EML6: variants seen among roughly 807,000 people sequenced by gnomAD.
EML6 encodes the protein EMAP like 6, also known as echinoderm microtubule-associated protein-like 6.
Under a neutral mutation model 240.1 loss-of-function variants are expected in EML6, and 154 were observed. The observed-to-expected ratio is 0.64, with a 90% CI of 0.56 to 0.73. The LOEUF is 0.73. EML6 is among the 30% of genes least tolerant of loss of function. EML6 has a pLI of 0.00. For missense variants in EML6, 2,964 were observed against 2,474.6 expected, an observed-to-expected ratio of 1.20 and a Z score of -4.20; for synonymous variants, 1,148 against 899.0, an observed-to-expected ratio of 1.28 and a Z score of -4.95.
At chr2:54,794,968 A>G (rs1669677653) in intron 2 of EML6, among the ~76,000 whole-genome samples, 1 of 152,190 alleles carries the variant, frequency 6.6e-6, no homozygotes, top group Non-Finnish European at 1.5e-5. Context: ...TGACCACACT[A>G]GGTCCCACCG....
intron 2 of EML6, among the ~76,000 whole-genome samples, chr2:54,799,535 A>G (rs867993095): frequency 4.9e-4 from 75 of 151,950 alleles, no homozygotes; most frequent in Middle Eastern, 6.9e-3. Context: ...TAGTAGAGAC[A>G]GGTTTCACCA....
chr2:54,959,363 C>T (rs1167571817), intron 34 of EML6, 102 bp downstream of exon 34: 2 of 1,175,824 alleles, frequency 1.7e-6, no homozygotes, highest in East Asian at 2.6e-5. Context: ...CTGTCATCCT[C>T]CTATCTTTTT....
At position 54,844,027 on chromosome 2, in the gene EML6, G is replaced by GT. The variant is rs1558602957; in HGVS notation, c.848-16dup. 1 of 1,397,814 alleles carries GT rather than the reference G, an allele frequency of 7.2e-7. No individual in the cohort carries two copies. Among genetic ancestry groups the GT allele is most frequent in the East Asian group, 2.8e-5 (1 of 35,178 alleles). 86.6% of individuals were successfully genotyped at this position (1,397,814 alleles called of 1,614,324 possible). On this transcript the variant is annotated intron_variant, in intron 7 of 41. Transcript: ENST00000356458. ...GTGAATAGTGTGAAGATTTGCTTTT[G>GT]TTTTACTTATTTTTGTCAGGCCTCT...
At chr2:54,866,293 A>G (rs1396938425) in intron 13 of EML6, among the ~76,000 whole-genome samples, 1 of 152,190 alleles carries the variant, frequency 6.6e-6, no homozygotes, top group Non-Finnish European at 1.5e-5. Flanking sequence ...TTAGGTCCCA[A>G]GTTAGACCAA....
chr2:54,771,380 G>A (rs777823787), intron 2 of EML6, among the ~76,000 whole-genome samples: 2 of 152,138 alleles, frequency 1.3e-5, no homozygotes, highest in Non-Finnish European at 2.9e-5. Context: ...ATACAAGAGC[G>A]GATACATTAT....
At position 54,950,725 on chromosome 2, in the gene EML6, G is replaced by A. The variant is rs559685189; in HGVS notation, c.4159G>A (p.Ala1387Thr). Residue 1387 changes from alanine (A) to threonine (T), a missense_variant, in exon 30 of 42, where the codon GCT becomes ACT. By Grantham distance (58) the Ala-to-Thr change is moderately conservative. Coordinates refer to ENST00000356458, the MANE Select transcript of EML6 (RefSeq NM_001039753.4). ...TAACCTGCATTACCTTAATGATGGC[G>A]CTGACATCATCTTCCACACAGCAGC... is the stretch of plus-strand genomic sequence containing the variant. ...RNNLHYLNDGADIIFHTAAAG... is the reference protein window; with the variant it reads ...RNNLHYLNDGTDIIFHTAAAG... 1.2e-5 allele frequency: 19 copies of A among 1,551,466 alleles called. No individual in the cohort carries two copies. The highest frequency in any genetic ancestry group is 2.0e-5 in the Admixed American group (1 of 51,000).
In EML6 at chr2:54,725,657, G is replaced by T. The variant is rs1396475033; in HGVS notation, c.197+399G>T. Among the ~76,000 whole-genome samples, 3 of 152,100 alleles carry T rather than the reference G, an allele frequency of 2.0e-5. No homozygotes were observed. The highest frequency in any genetic ancestry group is 2.9e-5 in the Non-Finnish European group (2 of 68,036). ...ATCATCTTTGGGAGGCTCCTCAGTG[G>T]GTTTCTCAGTAAGCAAGAGGATTAA... On this transcript the variant is annotated intron_variant, in intron 2 of 41. Coordinates refer to ENST00000356458, the MANE Select transcript of EML6 (RefSeq NM_001039753.4). The surrounding 1 kb of genome is among the most constrained non-coding windows in gnomAD (Gnocchi z 4.3).
At chr2:54,852,980 G>T (rs571399984) in intron 10 of EML6, among the ~76,000 whole-genome samples, 1 of 152,242 alleles carries the variant, frequency 6.6e-6, no homozygotes, top group East Asian at 1.9e-4. Flanking sequence ...CACAACGGTC[G>T]GGATTATTTT....
chr2:54,812,184 C>G (rs559728561), intron 2 of EML6, among the ~76,000 whole-genome samples: 1 of 152,144 alleles, frequency 6.6e-6, no homozygotes, highest in Admixed American at 6.5e-5. Context: ...TCTGTATTAT[C>G]TGTATTTTTA....
chr2:54,927,714 T>G (rs1674630931), intron 26 of EML6, among the ~76,000 whole-genome samples: 1 of 152,240 alleles, frequency 6.6e-6, no homozygotes, highest in Admixed American at 6.5e-5. Flanking sequence ...TAGTCGTTAC[T>G]GATAAATTGG....
rs143435031 is a variant in EML6 at position 54,951,404 on chromosome 2, G to C, written c.4213+625G>C. Among the ~76,000 whole-genome samples, 622 of 152,128 alleles carry C rather than the reference G, an allele frequency of 4.1e-3. 3 individuals carry two copies. Among genetic ancestry groups the C allele is most frequent in the African/African-American group, 0.014 (591 of 41,510 alleles). ...AAAAATTAGCCAGGCATGGTGGCAG[G>C]TGCCTGTAGTCCCAGCTACTCAGGA... On this transcript the variant is annotated intron_variant, in intron 30 of 41. Coordinates refer to ENST00000356458, the MANE Select transcript of EML6 (RefSeq NM_001039753.4).
intron 28 of EML6, among the ~76,000 whole-genome samples, chr2:54,934,716 C>G (rs1179694288): frequency 3.3e-5 from 5 of 152,030 alleles, no homozygotes; most frequent in Non-Finnish European, 7.4e-5. Flanking sequence ...CCACCATACC[C>G]AGCTTATCTT....
chr2:54,803,881 C>G (rs1308485719), intron 2 of EML6, among the ~76,000 whole-genome samples: 1 of 152,180 alleles, frequency 6.6e-6, no homozygotes, highest in African/African-American at 2.4e-5. Context: ...TCTCCACTCA[C>G]GGACCGGGCA....
intron 15 of EML6, 103 bp downstream of exon 15, chr2:54,869,470 T>C (rs2103904088): frequency 1.1e-6 from 1 of 869,572 alleles, no homozygotes; most frequent in African/African-American, 1.7e-5. Flanking sequence ...GAAATAAACA[T>C]GAGATGGGAA....
At position 54,854,166 on chromosome 2, in the gene EML6, G is replaced by A. The variant is rs567411940; in HGVS notation, c.1657+311G>A. On this transcript the variant is annotated intron_variant, in intron 11 of 41. Transcript: ENST00000356458. The stretch of plus-strand genomic sequence containing the variant: ...AATATTCATAGTTTATATATAGTCC[G>A]TTAAAATGTTGTAACTAAAATTCTT... 4.6e-5 allele frequency among the ~76,000 whole-genome samples: 7 copies of A among 152,222 alleles called. 1 individual carries two copies. The highest frequency in any genetic ancestry group is 3.9e-4 in the East Asian group (2 of 5,174).
rs1373958882 is a variant in EML6 at position 54,948,956 on chromosome 2, T to G, written c.4079T>G (p.Val1360Gly). The G allele has an allele frequency of 6.5e-7, 1 of 1,548,882 alleles. No homozygotes were observed. Among genetic ancestry groups the G allele is most frequent in the Admixed American group, 2.0e-5 (1 of 50,992 alleles). Residue 1360 changes from valine (V) to glycine (G), a missense_variant, in exon 29 of 42, where the codon GTT becomes GGT. Transcript: ENST00000356458. ...AATATCACCAAAAAAAAGAAACTGGTTGAGGTGAGTTAAACAATCACTTGT... is the reference window on the plus strand; with the variant it reads ...AATATCACCAAAAAAAAGAAACTGGGTGAGGTGAGTTAAACAATCACTTGT... Reference protein sequence around the residue: ...KNNITKKKKLVEELALDHVFG... With the variant: ...KNNITKKKKLGEELALDHVFG...
intron 26 of EML6, among the ~76,000 whole-genome samples, chr2:54,923,406 A>G (rs528273869): frequency 1.3e-3 from 107 of 81,686 alleles, no homozygotes; most frequent in Non-Finnish European, 2.7e-3. Context: ...CACACACACA[A>G]TGGTAACTAT....
intron 2 of EML6, among the ~76,000 whole-genome samples, chr2:54,792,003 C>G (rs530608147): frequency 6.6e-6 from 1 of 152,308 alleles, no homozygotes; most frequent in African/African-American, 2.4e-5. Flanking sequence ...ACAGCAAGCT[C>G]TTTAGAAGCT....
At chr2:54,911,793 A>T (rs944555713) in intron 25 of EML6, among the ~76,000 whole-genome samples, 5 of 152,160 alleles carry the variant, frequency 3.3e-5, no homozygotes, top group African/African-American at 1.2e-4. Flanking sequence ...TATTGTATCA[A>T]ACTGTTTTCT....
Sources: gnomAD v4.1 joint callset for allele counts (sites outside exome capture counted in the v4.1 genomes callset) on GRCh38, gnomAD v4.1.1 for gene constraint, Gnocchi (gnomAD v3.1) non-coding constraint, MANE v1.5 for transcripts, NCBI Gene and HGNC (gene_info 2026-07-23, HGNC 2026-07-21) for gene names.